Variants in NECAB1 observed in about 807,000 individuals in gnomAD.
NECAB1 encodes N-terminal EF-hand calcium binding protein 1.
In NECAB1, 29 loss-of-function variants were observed where a neutral mutation model predicts 57.5. The ratio of observed to expected loss-of-function variants is 0.50; its 90% CI spans 0.38 to 0.69. The LOEUF (loss-of-function observed/expected upper bound fraction) is 0.69. Among genes scored for constraint, NECAB1 ranks in the 30% least tolerant of loss-of-function variants. NECAB1 has a pLI of 0.00. For missense variants in NECAB1, 372 were observed against 413.8 expected (o/e 0.90, Z 0.88); for synonymous variants, 142 against 147.7 (o/e 0.96, Z 0.28).
At chr8:90,876,995 G>T (rs1296258048) in intron 4 of NECAB1, among the ~76,000 whole-genome samples, 1 of 152,192 alleles carries the variant, frequency 6.6e-6, no homozygotes, top group Admixed American at 6.5e-5. Flanking sequence ...TTTGTTCCAA[G>T]TCATTCTTTC....
chr8:90,932,312 T>C (rs1370034770), intron 8 of NECAB1, among the ~76,000 whole-genome samples: 1 of 152,216 alleles, frequency 6.6e-6, no homozygotes, highest in Non-Finnish European at 1.5e-5. Context: ...CATTCATTTA[T>C]TCTACATTTA....
rs898953029 is a variant in NECAB1, at chr8:90,880,969, A to G, written c.260-64A>G. 4.1e-6 allele frequency: 5 copies of G among 1,221,576 alleles called. No individual in the cohort carries two copies. In the Admixed American group the frequency reaches 8.8e-5, roughly 21 times the overall value. 75.7% of individuals were successfully genotyped at this position (1,221,576 alleles called of 1,614,324 possible). A position where few individuals can be genotyped will look rare whatever the true frequency, so the allele number is the denominator to read the frequency against. On this transcript the variant is annotated intron_variant, in intron 4 of 12. Transcript: ENST00000417640. ...CATTTAAGGAGTAAATAATTAGTTG[A>G]TTTTTTTGTTTTATGGTTACCTAAA...
intron 5 of NECAB1, among the ~76,000 whole-genome samples, chr8:90,916,988 T>G (rs1050412469): frequency 4.6e-5 from 7 of 152,180 alleles, no homozygotes; most frequent in Non-Finnish European, 7.4e-5. Flanking sequence ...TAACTACACA[T>G]AATTTTCTTT....
chr8:90,862,971 T>C (rs371090076), intron 3 of NECAB1, among the ~76,000 whole-genome samples: 10 of 152,254 alleles, frequency 6.6e-5, no homozygotes, highest in Admixed American at 2.0e-4. Flanking sequence ...AAACTTTATA[T>C]ATTGCTTAAT....
intron 9 of NECAB1, among the ~76,000 whole-genome samples, chr8:90,938,858 G>A (rs1194951466): frequency 6.6e-6 from 1 of 152,198 alleles, no homozygotes; most frequent in Non-Finnish European, 1.5e-5. Context: ...CCACAATTTT[G>A]CAGGTAGGCA....
intron 2 of NECAB1, among the ~76,000 whole-genome samples, chr8:90,820,353 A>T (rs1010609984): frequency 6.6e-6 from 1 of 151,986 alleles, no homozygotes; most frequent in East Asian, 1.9e-4. Flanking sequence ...GTTGTTTTAA[A>T]ACAAATATAT....
intron 3 of NECAB1, among the ~76,000 whole-genome samples, chr8:90,837,372 A>G (rs1162422323): frequency 6.6e-6 from 1 of 152,238 alleles, no homozygotes; most frequent in East Asian, 1.9e-4. Context: ...TAAATGACTA[A>G]TGGGCAGGTA....
At chr8:90,878,742 G>A (rs1409991418) in intron 4 of NECAB1, among the ~76,000 whole-genome samples, 2 of 151,910 alleles carry the variant, frequency 1.3e-5, no homozygotes, top group African/African-American at 4.8e-5. Context: ...CAGCTCTGAA[G>A]CTTCTAGTCA....
intron 3 of NECAB1, among the ~76,000 whole-genome samples, chr8:90,848,900 A>G (rs1363265424): frequency 6.6e-6 from 1 of 152,144 alleles, no homozygotes; most frequent in Non-Finnish European, 1.5e-5. Context: ...GCAGTGAGCC[A>G]AGATCACACC....
In NECAB1 at chr8:90,956,130, A is replaced by T. The variant is rs996581975; in HGVS notation, c.*618A>T. 3 of 152,094 alleles carry T rather than the reference A, an allele frequency of 2.0e-5. No individual in the cohort carries two copies. The highest frequency in any genetic ancestry group is 4.4e-5 in the Non-Finnish European group (3 of 67,958). The allele number at this position is 152,094 out of a possible 1,614,324, so 9.4% of individuals were successfully genotyped here. A position where few individuals can be genotyped will look rare whatever the true frequency, so the allele number is the denominator to read the frequency against. On this transcript the variant is annotated 3_prime_UTR_variant, in exon 13 of 13. Transcript: ENST00000417640. ...TTATAGACTGGTTTTTCAAAAGTGA[A>T]CAATCCTGTGATAAGTTGGAGTACC...
chr8:90,792,100 C>T (rs1811585067), intron 1 of NECAB1, 115 bp downstream of exon 1: 1 of 756,406 alleles, frequency 1.3e-6, no homozygotes, highest in Non-Finnish European at 2.2e-6. Flanking sequence ...AGAACACAGG[C>T]GAGAACTACC....
chr8:90,794,259 C>T (rs1223719651), intron 1 of NECAB1, among the ~76,000 whole-genome samples: 1 of 152,168 alleles, frequency 6.6e-6, no homozygotes, highest in Non-Finnish European at 1.5e-5. Context: ...ATTTCTGGAT[C>T]ATACCACTTT....
At chr8:90,949,658 G>C (rs1339698157) in intron 10 of NECAB1, 149 bp from the exon 11 acceptor site, 1 of 465,078 alleles carries the variant, frequency 2.2e-6, no homozygotes, top group Non-Finnish European at 3.8e-6. Flanking sequence ...ATAAATTCTT[G>C]ACAAATCTGT....
chr8:90,806,995 T>A (rs1811857067), intron 2 of NECAB1, among the ~76,000 whole-genome samples: 1 of 152,242 alleles, frequency 6.6e-6, no homozygotes, highest in South Asian at 2.1e-4. Flanking sequence ...TGATTTTTTT[T>A]CACTTTGTTG....
chr8:90,883,645 C>G (rs1808898518), intron 5 of NECAB1, among the ~76,000 whole-genome samples: 1 of 152,184 alleles, frequency 6.6e-6, no homozygotes, highest in African/African-American at 2.4e-5. Flanking sequence ...TTTCCCTCCT[C>G]CTCCTTCTCC....
chr8:90,898,964 A>T (rs1809430044), intron 5 of NECAB1, among the ~76,000 whole-genome samples: 1 of 152,202 alleles, frequency 6.6e-6, no homozygotes, highest in South Asian at 2.1e-4. Flanking sequence ...ATGTTGGGAG[A>T]AATGCCCTTG....
chr8:90,915,333 T>C (rs1326775123), intron 5 of NECAB1, among the ~76,000 whole-genome samples: 1 of 152,144 alleles, frequency 6.6e-6, no homozygotes, highest in Non-Finnish European at 1.5e-5. Flanking sequence ...CTTCCTCAAT[T>C]TTAAAAACTC....
intron 1 of NECAB1, 31 bp from the exon 2 acceptor site, chr8:90,801,660 C>A (rs184299129): frequency 6.9e-7 from 1 of 1,458,404 alleles, no homozygotes; most frequent in Non-Finnish European, 9.3e-7. Flanking sequence ...ATCTAAAATG[C>A]TGATAAAATT....
chr8:90,935,215 A>G (rs1810506643), intron 9 of NECAB1, among the ~76,000 whole-genome samples: 1 of 152,198 alleles, frequency 6.6e-6, no homozygotes, highest in Admixed American at 6.5e-5. Flanking sequence ...CACTGACTAC[A>G]TGATAGATGA....
Sources: gnomAD v4.1 joint callset for allele counts (sites outside exome capture counted in the v4.1 genomes callset) on GRCh38, gnomAD v4.1.1 for gene constraint, MANE v1.5 for transcripts, NCBI Gene and HGNC (gene_info 2026-07-23, HGNC 2026-07-21) for gene names.